PRR16: variants seen among roughly 807,000 people sequenced by gnomAD.
PRR16 encodes proline rich 16.
PRR16 carries 6 observed loss-of-function variants against 18.2 expected under a neutral mutation model. The ratio of observed to expected loss-of-function variants is 0.33; its 90% CI spans 0.18 to 0.65. PRR16 has a LOEUF of 0.65. Ranked by LOEUF, PRR16 falls within the 30% of genes least tolerant of loss-of-function variation. The pLI is 0.74. For synonymous variants in PRR16, 151 were observed against 147.8 expected (o/e 1.02, Z -0.16); for missense variants, 412 against 376.6 (o/e 1.09, Z -0.78).
chr5:120,705,951 C>A, the PRR16 span, among the ~76,000 whole-genome samples: 2 of 152,082 alleles, frequency 1.3e-5, no homozygotes, highest in Non-Finnish European at 2.9e-5. Context: ...TAACAGAAAC[C>A]TTTGAAAAAA....
At chr5:120,782,879 G>T in the PRR16 span, among the ~76,000 whole-genome samples, 1 of 152,104 alleles carries the variant, frequency 6.6e-6, no homozygotes, top group East Asian at 1.9e-4. Context: ...ATTTTTCAGG[G>T]TATCAGGTGC....
intron 1 of PRR16, among the ~76,000 whole-genome samples, chr5:120,521,418 T>C (rs1751176174): frequency 6.6e-6 from 1 of 152,170 alleles, no homozygotes; most frequent in South Asian, 2.1e-4. Flanking sequence ...TATGTGTACT[T>C]TGTTTCCATA....
intron 1 of PRR16, among the ~76,000 whole-genome samples, chr5:120,586,432 T>C (rs537639507): frequency 6.6e-6 from 1 of 152,312 alleles, no homozygotes; most frequent in East Asian, 1.9e-4. Context: ...TATTGTGTTT[T>C]TCACCAATTG....
chr5:120,695,349 C>G, the PRR16 span, among the ~76,000 whole-genome samples: 1 of 152,052 alleles, frequency 6.6e-6, no homozygotes, highest in African/African-American at 2.4e-5. Flanking sequence ...CATATGACTT[C>G]TCAATAATTT....
At chr5:120,709,254 G>A in the PRR16 span, among the ~76,000 whole-genome samples, 18 of 151,788 alleles carry the variant, frequency 1.2e-4, no homozygotes, top group African/African-American at 3.4e-4. Context: ...TGATCTGCCC[G>A]CCTGGGCCTC....
intron 1 of PRR16, among the ~76,000 whole-genome samples, chr5:120,573,394 T>G (rs887466599): frequency 2.0e-5 from 3 of 152,210 alleles, no homozygotes; most frequent in Non-Finnish European, 4.4e-5. Flanking sequence ...TAAAAGCCTT[T>G]GGACTTGTAC....
intron 1 of PRR16, among the ~76,000 whole-genome samples, chr5:120,569,629 G>C (rs1046284470): frequency 1.3e-5 from 2 of 152,086 alleles, no homozygotes; most frequent in African/African-American, 4.8e-5. Context: ...TTTAAGAGAT[G>C]ATAAGAACAA....
At chr5:120,761,195 T>C in the PRR16 span, among the ~76,000 whole-genome samples, 8 of 152,122 alleles carry the variant, frequency 5.3e-5, no homozygotes, top group African/African-American at 1.7e-4. Context: ...AATTAATCTC[T>C]ATGCATGGTT....
chr5:120,619,328 A>G (rs1754613230), intron 1 of PRR16, among the ~76,000 whole-genome samples: 1 of 152,198 alleles, frequency 6.6e-6, no homozygotes. Flanking sequence ...AAAATGATGA[A>G]TTGACTGTTG....
At chr5:120,578,210 A>G (rs1299781251) in intron 1 of PRR16, among the ~76,000 whole-genome samples, 2 of 152,120 alleles carry the variant, frequency 1.3e-5, no homozygotes, top group South Asian at 2.1e-4. Flanking sequence ...CCTACTACAA[A>G]TACTCTTGCT....
chr5:120,653,451 A>G (rs1755860800), intron 1 of PRR16, among the ~76,000 whole-genome samples: 1 of 152,078 alleles, frequency 6.6e-6, no homozygotes, highest in Admixed American at 6.6e-5. Flanking sequence ...AATAAGTGTT[A>G]TATTGGTATA....
chr5:120,559,948 T>C (rs955525878), intron 1 of PRR16, among the ~76,000 whole-genome samples: 1 of 151,942 alleles, frequency 6.6e-6, no homozygotes. Flanking sequence ...ATGTTTGGTA[T>C]TGGCATATAG....
At chr5:120,589,926 CAAG>C (rs2112771751) in intron 1 of PRR16, among the ~76,000 whole-genome samples, 1 of 152,112 alleles carries the variant, frequency 6.6e-6, no homozygotes, top group African/African-American at 2.4e-5. Flanking sequence ...ATTTGCTTGC[CAAG>C]AAGATTACTT....
At chr5:120,749,609 T>A in the PRR16 span, among the ~76,000 whole-genome samples, 2 of 152,150 alleles carry the variant, frequency 1.3e-5, no homozygotes, top group African/African-American at 4.8e-5. Flanking sequence ...ATTTTCAATC[T>A]CTTTGCATTG....
the PRR16 span, among the ~76,000 whole-genome samples, chr5:120,695,502 C>T: frequency 6.6e-6 from 1 of 152,172 alleles, no homozygotes; most frequent in African/African-American, 2.4e-5. Context: ...GGGCTTTTAT[C>T]ATCTCCCTTC....
chr5:120,479,918 A>G (rs1433837868), intron 1 of PRR16, among the ~76,000 whole-genome samples: 1 of 152,202 alleles, frequency 6.6e-6, no homozygotes, highest in Non-Finnish European at 1.5e-5. Flanking sequence ...ATTACTTTCA[A>G]TAACTTTATG....
chr5:120,579,078 G>A (rs1416241343), intron 1 of PRR16, among the ~76,000 whole-genome samples: 1 of 151,936 alleles, frequency 6.6e-6, no homozygotes, highest in African/African-American at 2.4e-5. Context: ...CATATCCTTT[G>A]CCCACTTTTT....
chr5:120,592,233 TC>T (rs757089845), intron 1 of PRR16, among the ~76,000 whole-genome samples: 84 of 152,144 alleles, frequency 5.5e-4, no homozygotes, highest in South Asian at 8.3e-4. Flanking sequence ...AGACTGTCTT[TC>T]TAACATAAAT....
chr5:120,535,661 G>A (rs1751694225), intron 1 of PRR16, among the ~76,000 whole-genome samples: 1 of 152,032 alleles, frequency 6.6e-6, no homozygotes, highest in Non-Finnish European at 1.5e-5. Flanking sequence ...TTATCCAGGT[G>A]TGGTGGCTCA....
Sources: allele counts gnomAD v4.1 joint callset (sites outside exome capture counted in the v4.1 genomes callset), GRCh38; gene constraint gnomAD v4.1.1; transcripts MANE v1.5; gene names NCBI Gene and HGNC (gene_info 2026-07-23, HGNC 2026-07-21).